The following KATNIP variants were observed in gnomAD, a reference collection of about 807,000 sequenced individuals.
KATNIP encodes the protein katanin interacting protein.
Under a neutral mutation model 174.0 loss-of-function variants are expected in KATNIP, and 126 were observed. The ratio of observed to expected loss-of-function variants is 0.72; its 90% CI spans 0.63 to 0.84. The LOEUF (loss-of-function observed/expected upper bound fraction) is 0.84. Ranked by LOEUF, KATNIP falls within the 40% of genes least tolerant of loss-of-function variation. The pLI, the probability that KATNIP is intolerant of heterozygous loss-of-function variation, is 0.00. For missense variants in KATNIP, 1,958 were observed against 2,109.7 expected (o/e 0.93, Z 1.41); for synonymous variants, 810 against 835.7 (o/e 0.97, Z 0.53).
intron 7 of KATNIP, chr16:27,681,185 T>C (rs916712667): frequency 1.7e-6 from 1 of 577,364 alleles, no homozygotes; most frequent in Non-Finnish European, 3.1e-6. Flanking sequence ...GAATCTTTTA[T>C]GTACTTACCA....
At chr16:27,734,745 G>A (rs867696472) in intron 14 of KATNIP, among the ~76,000 whole-genome samples, 1 of 152,248 alleles carries the variant, frequency 6.6e-6, no homozygotes, top group Middle Eastern at 3.4e-3. Flanking sequence ...AGCTCCACCG[G>A]TACAGGTGCT....
chr16:27,621,603 C>T (rs1271753419), intron 3 of KATNIP, among the ~76,000 whole-genome samples: 4 of 152,040 alleles, frequency 2.6e-5, no homozygotes, highest in Admixed American at 2.6e-4. Context: ...TATAAAGTAA[C>T]AGCTGAGACT....
rs1053976095 is a variant in KATNIP at position 27,769,834 on chromosome 16, A to T, written c.3976-27A>T. On this transcript the variant is annotated intron_variant, in intron 20 of 27. Transcript: ENST00000261588. ...GTCCCCACATGGCCTGCCTCCCTTC[A>T]GTCATGTTATTTCTTTTGTTTGCCA... is the stretch of plus-strand genomic sequence containing the variant. 6 of 1,607,868 alleles carry T rather than the reference A, an allele frequency of 3.7e-6. 1 individual carries two copies. The African/African-American group carries it at 5.3e-5, about 14-fold the overall frequency.
chr16:27,587,353 G>T (rs1302752234), intron 2 of KATNIP, among the ~76,000 whole-genome samples: 6 of 152,148 alleles, frequency 3.9e-5, no homozygotes, highest in Admixed American at 3.9e-4. Context: ...AGGCAGGGTT[G>T]GTGTAGTTTA....
intron 2 of KATNIP, among the ~76,000 whole-genome samples, chr16:27,605,434 C>G (rs1431788843): frequency 6.6e-6 from 1 of 152,142 alleles, no homozygotes; most frequent in Non-Finnish European, 1.5e-5. Flanking sequence ...GTCCTGGGGT[C>G]CTAGATTCTG....
At chr16:27,603,354 C>T (rs559181178) in intron 2 of KATNIP, among the ~76,000 whole-genome samples, 102 of 152,236 alleles carry the variant, frequency 6.7e-4, no homozygotes, top group Non-Finnish European at 1.3e-3. Context: ...ATTATTTAAA[C>T]GATAAACTAA....
At chr16:27,606,668 T>A (rs1413363095) in intron 2 of KATNIP, among the ~76,000 whole-genome samples, 1 of 151,992 alleles carries the variant, frequency 6.6e-6, no homozygotes, top group African/African-American at 2.4e-5. Flanking sequence ...TTGGCCTGTC[T>A]CTCATTGTCT....
intron 2 of KATNIP, among the ~76,000 whole-genome samples, chr16:27,594,439 A>G (rs569433148): frequency 1.3e-5 from 2 of 152,112 alleles, no homozygotes; most frequent in South Asian, 4.2e-4. Flanking sequence ...TGTGTCACCT[A>G]CCATGGTCCA....
Position 27,560,591 on chromosome 16 carries a change from C to T in KATNIP, c.7+10414C>T, listed in dbSNP as rs115781631. Among the ~76,000 whole-genome samples the T allele has an allele frequency of 7.0e-3, 1,068 of 152,292 alleles. 16 individuals carry two copies. The highest frequency in any genetic ancestry group is 0.024 in the African/African-American group (1,012 of 41,566). On this transcript the variant is annotated intron_variant, in intron 1 of 27. Transcript: ENST00000261588. ...ATCTCTGGAGTACACCGTCTTCTTT[C>T]GCACCTCGCTGCCTTGCCTGTGCTG...
intron 8 of KATNIP, among the ~76,000 whole-genome samples, chr16:27,695,049 T>G (rs1238640792): frequency 6.6e-6 from 1 of 152,208 alleles, no homozygotes; most frequent in Non-Finnish European, 1.5e-5. Flanking sequence ...AACTCCTCTC[T>G]TCCTATCCCA....
chr16:27,765,459 G>T (rs1314085354), intron 19 of KATNIP, among the ~76,000 whole-genome samples: 1 of 152,168 alleles, frequency 6.6e-6, no homozygotes, highest in Non-Finnish European at 1.5e-5. Context: ...CAGGTTAGAG[G>T]CTTCCCTGGG....
Position 27,776,917 on chromosome 16 carries a change from C to G in KATNIP, c.4450-11C>G. The G allele has an allele frequency of 3.8e-6, 6 of 1,587,950 alleles. No individual in the cohort carries two copies. The highest frequency in any genetic ancestry group is 2.6e-6 in the Non-Finnish European group (3 of 1,156,336). On this transcript the variant is annotated splice_polypyrimidine_tract_variant and intron_variant, in intron 24 of 27. Coordinates refer to ENST00000261588, the MANE Select transcript of KATNIP (RefSeq NM_015202.5). This position sits in a 1 kb window ranked among gnomAD's most constrained non-coding sequence, Gnocchi z 4.7. ...AACATGCCTGTTTTAATTAGTGCCG[C>G]TCTCTGACAGGTGAACCGGGTTTAT... is the stretch of plus-strand genomic sequence containing the variant.
At chr16:27,713,809 CATATATATATATATATATATATATATAT>C (rs60005285) in intron 13 of KATNIP, among the ~76,000 whole-genome samples, 3,423 of 33,354 alleles carry the variant, frequency 0.1, 439 homozygotes, top group African/African-American at 0.26. Flanking sequence ...TGTGTATATA[CATATATATATATATATATATATATATAT>C]ATATATATAT....
chr16:27,740,997 G>A, intron 15 of KATNIP, 77 bp downstream of exon 15: 2 of 1,130,906 alleles, frequency 1.8e-6, no homozygotes, highest in Non-Finnish European at 2.5e-6. Flanking sequence ...GTTAGCTCCT[G>A]GACCTCAGTT....
intron 2 of KATNIP, among the ~76,000 whole-genome samples, chr16:27,588,878 CTTTTTTTTTTT>C (rs11346883): frequency 6.4e-5 from 5 of 78,110 alleles, no homozygotes; most frequent in East Asian, 4.1e-4. Context: ...CAACTCTATT[CTTTTTTTTTTT>C]TTTTTTTTTT....
intron 3 of KATNIP, among the ~76,000 whole-genome samples, chr16:27,623,222 G>A (rs1400450481): frequency 6.6e-6 from 1 of 152,178 alleles, no homozygotes; most frequent in Non-Finnish European, 1.5e-5. Context: ...AGGAGCAGGG[G>A]AGAGCACAAG....
intron 13 of KATNIP, among the ~76,000 whole-genome samples, chr16:27,720,238 G>T (rs2080162327): frequency 6.6e-6 from 1 of 151,990 alleles, no homozygotes; most frequent in Non-Finnish European, 1.5e-5. Flanking sequence ...TTACAGGCAT[G>T]CACCACCACG....
intron 10 of KATNIP, 66 bp from the exon 11 acceptor site, chr16:27,701,523 C>A (rs2079097151): frequency 1.6e-6 from 2 of 1,265,496 alleles, no homozygotes; most frequent in Admixed American, 2.0e-5. Flanking sequence ...TTGACCGTGA[C>A]CCTGCTGTGT....
intron 1 of KATNIP, among the ~76,000 whole-genome samples, chr16:27,559,917 G>C (rs997774440): frequency 6.6e-6 from 1 of 151,434 alleles, no homozygotes; most frequent in Non-Finnish European, 1.5e-5. Context: ...GGAGGCAAAG[G>C]TTGCAGTGAG....
Sources: allele counts gnomAD v4.1 joint callset (sites outside exome capture counted in the v4.1 genomes callset), GRCh38; gene constraint gnomAD v4.1.1; non-coding constraint Gnocchi (gnomAD v3.1); transcripts MANE v1.5; gene names NCBI Gene and HGNC (gene_info 2026-07-23, HGNC 2026-07-21).